FAM53B: variants seen among roughly 807,000 people sequenced by gnomAD.
FAM53B encodes the protein family with sequence similarity 53 member B, also known as protein FAM53B.
Under a neutral mutation model 32.7 loss-of-function variants are expected in FAM53B, and 12 were observed. The observed-to-expected ratio is 0.37, with a 90% CI of 0.24 to 0.59. The LOEUF (loss-of-function observed/expected upper bound fraction) is 0.59. Ranked by LOEUF, FAM53B falls within the 20% of genes least tolerant of loss-of-function variation. The pLI is 0.72. For synonymous variants in FAM53B, 234 were observed against 228.7 expected (o/e 1.02, Z -0.21); for missense variants, 477 against 577.7 (o/e 0.83, Z 1.79).
At chr10:124,693,250 T>A (rs995816481) in intron 3 of FAM53B, among the ~76,000 whole-genome samples, 3 of 151,802 alleles carry the variant, frequency 2.0e-5, no homozygotes, top group African/African-American at 4.8e-5. Context: ...GGCAGGCGGA[T>A]CACGAGGTCA....
intron 1 of FAM53B, among the ~76,000 whole-genome samples, chr10:124,722,338 A>C (rs148588083): frequency 6.6e-6 from 1 of 152,340 alleles, no homozygotes; most frequent in East Asian, 1.9e-4. Flanking sequence ...TAATTTTAAA[A>C]ATTAAAAAAA....
chr10:124,638,332 T>TGCACTCCA (rs1949447434), intron 4 of FAM53B, among the ~76,000 whole-genome samples: 1 of 152,094 alleles, frequency 6.6e-6, no homozygotes, highest in African/African-American at 2.4e-5. Flanking sequence ...ATTGCACCAC[T>TGCACTCCA]GCACTCCAGC....
At chr10:124,722,341 T>TA (rs893348652) in intron 1 of FAM53B, among the ~76,000 whole-genome samples, 3 of 151,792 alleles carry the variant, frequency 2.0e-5, no homozygotes, top group East Asian at 3.9e-4. Context: ...TTTTAAAAAT[T>TA]AAAAAAAAGA....
chr10:124,671,172 G>T (rs1228157051), intron 4 of FAM53B: 1 of 454,312 alleles, frequency 2.2e-6, no homozygotes, highest in Non-Finnish European at 4.5e-6. Context: ...GGAGCAATCT[G>T]CTCCATTCAC....
At chr10:124,731,535 G>C (rs1950142686) in intron 1 of FAM53B, among the ~76,000 whole-genome samples, 1 of 151,648 alleles carries the variant, frequency 6.6e-6, no homozygotes, top group Admixed American at 6.6e-5. Context: ...ACTATAAGAG[G>C]CTCCATTTAT....
intron 4 of FAM53B, among the ~76,000 whole-genome samples, chr10:124,635,332 C>T (rs1211057151): frequency 6.6e-6 from 1 of 152,142 alleles, no homozygotes; most frequent in Non-Finnish European, 1.5e-5. Context: ...ACCTTGTGAT[C>T]TGCCTCGGCC....
At chr10:124,737,647 C>T (rs571039437) in intron 1 of FAM53B, among the ~76,000 whole-genome samples, 1 of 152,230 alleles carries the variant, frequency 6.6e-6, no homozygotes, top group African/African-American at 2.4e-5. Flanking sequence ...ATCAGCAGGC[C>T]CAAGAAGCTC....
chr10:124,716,498 T>C (rs1950038970), intron 1 of FAM53B, among the ~76,000 whole-genome samples: 1 of 152,168 alleles, frequency 6.6e-6, no homozygotes, highest in Non-Finnish European at 1.5e-5. Flanking sequence ...AATGACATTA[T>C]TCAGGGACAT....
chr10:124,717,616 C>A (rs548899717), intron 1 of FAM53B, among the ~76,000 whole-genome samples: 1 of 152,292 alleles, frequency 6.6e-6, no homozygotes, highest in South Asian at 2.1e-4. Context: ...TGGGTGGGAC[C>A]GAGGTAGCGG....
intron 1 of FAM53B, among the ~76,000 whole-genome samples, chr10:124,725,458 A>C (rs979585425): frequency 2.0e-5 from 3 of 152,258 alleles, no homozygotes; most frequent in Non-Finnish European, 4.4e-5. Flanking sequence ...CACCTGAAAC[A>C]AAGGGCGCCC....
At position 124,626,400 on chromosome 10, in the gene FAM53B, C is replaced by A. The variant is rs529272467; in HGVS notation, c.907-2796G>T. ...GGTCGAAATTTGTGCCCCCCCCCCCCCCACCATTCCTCAGTGCAAAAGGTG... is the reference window on the plus strand; with the variant it reads ...GGTCGAAATTTGTGCCCCCCCCCCCACCACCATTCCTCAGTGCAAAAGGTG... On this transcript the variant is annotated intron_variant, in intron 4 of 4. Coordinates refer to ENST00000337318, the MANE Select transcript of FAM53B (RefSeq NM_014661.4). Among the ~76,000 whole-genome samples, 5 of 146,830 alleles carry A rather than the reference C, an allele frequency of 3.4e-5. 1 individual carries two copies. Among genetic ancestry groups the A allele is most frequent in the South Asian group, 4.6e-4 (2 of 4,382 alleles).
intron 3 of FAM53B, among the ~76,000 whole-genome samples, chr10:124,693,146 C>T (rs1312043384): frequency 2.0e-5 from 3 of 152,136 alleles, no homozygotes; most frequent in Non-Finnish European, 4.4e-5. Context: ...AAAGTCTAGC[C>T]GGCCCCTCAG....
chr10:124,661,092 A>C (rs1041480797), intron 4 of FAM53B, among the ~76,000 whole-genome samples: 1 of 147,208 alleles, frequency 6.8e-6, no homozygotes, highest in Non-Finnish European at 1.5e-5. Flanking sequence ...CAATGGAAGG[A>C]TCTGGCCTGT....
chr10:124,631,487 C>T (rs1949390730), intron 4 of FAM53B, among the ~76,000 whole-genome samples: 1 of 152,182 alleles, frequency 6.6e-6, no homozygotes, highest in Non-Finnish European at 1.5e-5. Flanking sequence ...TCCACTCATC[C>T]CGTGGGCTAT....
intron 4 of FAM53B, among the ~76,000 whole-genome samples, chr10:124,636,074 GA>G (rs1949429318): frequency 6.6e-6 from 1 of 152,152 alleles, no homozygotes; most frequent in Non-Finnish European, 1.5e-5. Flanking sequence ...TGTACTGTCC[GA>G]AAATGAAATG....
rs569716579 is a variant in FAM53B, at chr10:124,684,002, A to G, written c.134-1623T>C. 3.9e-5 allele frequency among the ~76,000 whole-genome samples: 6 copies of G among 152,380 alleles called. No homozygotes were observed. The South Asian group carries it at 1.2e-3, about 32-fold the overall frequency. ...CAGAGAAAAAGCCGAGGCAGAGCTA[A>G]TGGTGGTTCTCCTTCCTCTTGGGCA... On this transcript the variant is annotated intron_variant, in intron 3 of 4. Transcript: ENST00000337318.
chr10:124,714,127 G>A (rs1166139368), intron 1 of FAM53B: 2 of 152,108 alleles, frequency 1.3e-5, no homozygotes, highest in African/African-American at 2.4e-5. Context: ...GAATGCTGCA[G>A]TCAAGCTTCA....
chr10:124,731,717 G>T (rs546358086), intron 1 of FAM53B, among the ~76,000 whole-genome samples: 1 of 151,938 alleles, frequency 6.6e-6, no homozygotes, highest in Non-Finnish European at 1.5e-5. Context: ...CCCTTCTAGC[G>T]TGCGGGATTC....
At chr10:124,628,390 G>A (rs991973466) in intron 4 of FAM53B, among the ~76,000 whole-genome samples, 4 of 152,182 alleles carry the variant, frequency 2.6e-5, no homozygotes, top group South Asian at 4.2e-4. Context: ...TCCGAAGGAG[G>A]CTGCGGTATT....
Sources: gnomAD v4.1 joint callset for allele counts (sites outside exome capture counted in the v4.1 genomes callset) on GRCh38, gnomAD v4.1.1 for gene constraint, MANE v1.5 for transcripts, NCBI Gene and HGNC (gene_info 2026-07-23, HGNC 2026-07-21) for gene names.